Variants in OARD1 observed in about 807,000 individuals in gnomAD.
The protein encoded by OARD1 is ADP-ribose glycohydrolase OARD1.
OARD1 carries 19 observed loss-of-function variants against 19.7 expected under a neutral mutation model. The observed-to-expected ratio is 0.96, with a 90% CI of 0.67 to 1.41. The LOEUF is 1.41. Among genes scored for constraint, OARD1 ranks in the 40% most tolerant of loss-of-function variants. The pLI is 0.00. For synonymous variants in OARD1, 70 were observed against 61.8 expected (o/e 1.13, Z -0.62); for missense variants, 190 against 183.8 (o/e 1.03, Z -0.20).
intron 1 of OARD1, among the ~76,000 whole-genome samples, chr6:41,082,106 C>A (rs1763926608): frequency 6.6e-6 from 1 of 152,210 alleles, no homozygotes; most frequent in South Asian, 2.1e-4. Context: ...GAACTGGCAT[C>A]TCACTTTATT....
At chr6:41,070,386 A>C (rs1382414436) in intron 3 of OARD1, among the ~76,000 whole-genome samples, 1 of 152,184 alleles carries the variant, frequency 6.6e-6, no homozygotes, top group African/African-American at 2.4e-5. Context: ...TACCACTACT[A>C]CTTTTAAATA....
intron 1 of OARD1, chr6:41,097,411 C>G: frequency 6.2e-7 from 1 of 1,613,882 alleles, no homozygotes; most frequent in East Asian, 2.2e-5. Flanking sequence ...AGTGTCCTAA[C>G]CCCACGCCAT....
At chr6:41,093,879 C>T (rs1764270960) in intron 1 of OARD1, among the ~76,000 whole-genome samples, 1 of 152,172 alleles carries the variant, frequency 6.6e-6, no homozygotes, top group African/African-American at 2.4e-5. Context: ...GAAAGTCCAG[C>T]CTGGTGTGGT....
intron 1 of OARD1, among the ~76,000 whole-genome samples, chr6:41,085,890 A>G (rs1051632610): frequency 6.6e-6 from 1 of 152,022 alleles, no homozygotes; most frequent in Non-Finnish European, 1.5e-5. Flanking sequence ...TTATTTTTCA[A>G]CTGAATTCTC....
At chr6:41,075,024 C>G (rs1320634089), upstream of OARD1, among the ~76,000 whole-genome samples, 1 of 152,190 alleles carries the variant, frequency 6.6e-6, no homozygotes, top group East Asian at 1.9e-4. Context: ...TCTTTCATTA[C>G]TAAAACTTCG....
upstream of OARD1, among the ~76,000 whole-genome samples, chr6:41,074,584 A>G (rs943882139): frequency 1.3e-5 from 2 of 152,220 alleles, no homozygotes; most frequent in African/African-American, 4.8e-5. Context: ...AGAGAAGAAA[A>G]GCATGTGCAG....
chr6:41,084,556 G>A (rs757183551), intron 1 of OARD1, among the ~76,000 whole-genome samples: 10 of 152,276 alleles, frequency 6.6e-5, no homozygotes, highest in African/African-American at 1.4e-4. Context: ...GAAAACTGAC[G>A]TATAGAAAGG....
At chr6:41,067,535 A>T in intron 5 of OARD1, 98 bp from the exon 6 acceptor site, 1 of 801,442 alleles carries the variant, frequency 1.2e-6, no homozygotes, top group Non-Finnish European at 2.0e-6. Flanking sequence ...AAAAACAAAT[A>T]ATCTAGTCTG....
At chr6:41,087,753 AT>A (rs577814571) in intron 1 of OARD1, among the ~76,000 whole-genome samples, 4 of 152,130 alleles carry the variant, frequency 2.6e-5, no homozygotes, top group Non-Finnish European at 5.9e-5. Flanking sequence ...TGAAAATAGG[AT>A]TTTGTACACC....
At chr6:41,096,058 A>G (rs1764348294) in intron 1 of OARD1, among the ~76,000 whole-genome samples, 1 of 152,226 alleles carries the variant, frequency 6.6e-6, no homozygotes, top group South Asian at 2.1e-4. Flanking sequence ...AATTGGCCTT[A>G]TATAGTACTT....
intron 1 of OARD1, among the ~76,000 whole-genome samples, chr6:41,093,352 A>AT (rs1197555180): frequency 9.2e-5 from 14 of 152,110 alleles, no homozygotes; most frequent in Non-Finnish European, 5.9e-5. Flanking sequence ...CTGGTAGCAC[A>AT]TTTTCACAGT....
chr6:41,069,821 C>T (rs1227524058), intron 4 of OARD1: 1 of 499,276 alleles, frequency 2.0e-6, no homozygotes, highest in African/African-American at 2.0e-5. Context: ...AGTCTTAGAA[C>T]AGGCCTATGG....
At chr6:41,090,198 C>T (rs2113812784) in intron 1 of OARD1, 1 of 1,588,300 alleles carries the variant, frequency 6.3e-7, no homozygotes. Context: ...TACTTATTTC[C>T]TCCAGACACA....
At chr6:41,080,428 A>G (rs1217612164) in intron 1 of OARD1, among the ~76,000 whole-genome samples, 20 of 152,172 alleles carry the variant, frequency 1.3e-4, no homozygotes, top group African/African-American at 4.8e-4. Flanking sequence ...AGAATTTTTT[A>G]TGGTAGTTTC....
At chr6:41,091,391 T>G (rs1764194019) in intron 1 of OARD1, 1 of 770,814 alleles carries the variant, frequency 1.3e-6, no homozygotes, top group African/African-American at 1.8e-5. Flanking sequence ...GAGAGTACTT[T>G]TTCTCCCCTT....
chr6:41,088,483 C>T (rs1466135634), intron 1 of OARD1, among the ~76,000 whole-genome samples: 3 of 151,290 alleles, frequency 2.0e-5, no homozygotes, highest in Non-Finnish European at 4.4e-5. Context: ...AATCCTGACA[C>T]AGCTGTGTTG....
At chr6:41,091,685 G>T in intron 1 of OARD1, 1 of 1,610,446 alleles carries the variant, frequency 6.2e-7, no homozygotes, top group Non-Finnish European at 8.5e-7. Flanking sequence ...ATTCAGGAGG[G>T]ATGGTCATGG....
intron 1 of OARD1, chr6:41,079,075 T>C (rs762311703): frequency 6.2e-7 from 1 of 1,612,754 alleles, no homozygotes; most frequent in South Asian, 1.1e-5. Flanking sequence ...GACAGGAATC[T>C]CACTTGGAGG....
In OARD1 at chr6:41,092,880, C is replaced by T. The variant is rs751702828; in HGVS notation, c.-42+4833G>A. On this transcript the variant is annotated intron_variant, in intron 1 of 4. Coordinates refer to the OARD1 transcript ENST00000480585. Reference sequence around the variant, plus strand: ...CTGTTTCTATGTCCATACTTCATGCCACCAATAAGCTCTGGTTTCCTGTTC... The same window carrying T: ...CTGTTTCTATGTCCATACTTCATGCTACCAATAAGCTCTGGTTTCCTGTTC... The T allele has an allele frequency of 1.9e-6, 3 of 1,588,982 alleles. No homozygotes were observed. In the East Asian group the frequency reaches 6.7e-5, roughly 36 times the overall value.
Sources: allele counts gnomAD v4.1 joint callset (sites outside exome capture counted in the v4.1 genomes callset), GRCh38; gene constraint gnomAD v4.1.1; transcripts MANE v1.5; gene names NCBI Gene and HGNC (gene_info 2026-07-23, HGNC 2026-07-21).